GCC2: variants seen among roughly 807,000 people sequenced by gnomAD.
The protein encoded by GCC2 is GRIP and coiled-coil domain-containing protein 2.
GCC2 carries 120 observed loss-of-function variants against 210.6 expected under a neutral mutation model. The observed-to-expected ratio is 0.57, with a 90% CI of 0.49 to 0.66. The LOEUF (loss-of-function observed/expected upper bound fraction) is 0.66, where lower values mean the gene tolerates loss of function less well. Among genes scored for constraint, GCC2 ranks in the 30% least tolerant of loss-of-function variants. The pLI is 0.00. For synonymous variants in GCC2, 703 were observed against 652.7 expected, an observed-to-expected ratio of 1.08 and a Z score of -1.17; for missense variants, 1,868 against 1,871.9, an observed-to-expected ratio of 1.00 and a Z score of 0.04.
intron 7 of GCC2, among the ~76,000 whole-genome samples, chr2:108,474,102 G>T (rs890430554): frequency 5.9e-5 from 9 of 152,116 alleles, no homozygotes; most frequent in Non-Finnish European, 1.2e-4. Context: ...AGCTTGCAGT[G>T]AGCCAAGATC....
chr2:108,498,572 A>G (rs1307482587), intron 21 of GCC2, among the ~76,000 whole-genome samples: 13 of 152,310 alleles, frequency 8.5e-5, no homozygotes, highest in Non-Finnish European at 1.3e-4. Flanking sequence ...AAATGGTCCT[A>G]GGTTTGAGGA....
At chr2:108,491,819 A>G (rs1256242194) in intron 18 of GCC2, among the ~76,000 whole-genome samples, 1 of 151,922 alleles carries the variant, frequency 6.6e-6, no homozygotes, top group Non-Finnish European at 1.5e-5. Flanking sequence ...ATAAAACATG[A>G]AAACTACAGG....
intron 4 of GCC2, among the ~76,000 whole-genome samples, chr2:108,453,307 G>A (rs371357805): frequency 9.2e-5 from 14 of 152,202 alleles, no homozygotes; most frequent in African/African-American, 2.9e-4. Context: ...AGTCACCAGA[G>A]ACCTATTATA....
chr2:108,452,550 G>C, intron 4 of GCC2, 84 bp downstream of exon 4: 1 of 839,470 alleles, frequency 1.2e-6, no homozygotes, highest in Non-Finnish European at 2.0e-6. Context: ...CTGGCTTTCT[G>C]TTTCTGTTCT....
intron 4 of GCC2, among the ~76,000 whole-genome samples, chr2:108,464,228 G>A (rs765722345): frequency 2.6e-5 from 4 of 152,054 alleles, no homozygotes; most frequent in African/African-American, 4.8e-5. Flanking sequence ...CCTGTGCGTC[G>A]GCCCACAGCG....
intron 22 of GCC2, among the ~76,000 whole-genome samples, chr2:108,503,007 T>C (rs4146090): frequency 6.9e-6 from 1 of 144,452 alleles, no homozygotes; most frequent in Non-Finnish European, 1.5e-5. Context: ...CAAAAAACAA[T>C]AGTGGGAAAA....
intron 20 of GCC2, chr2:108,496,144 TTATAG>T (rs1264214500): frequency 6.6e-6 from 1 of 151,750 alleles, no homozygotes; most frequent in African/African-American, 2.4e-5. Flanking sequence ...GGTGGGAAGT[TTATAG>T]TCACAAATAG....
At position 108,472,817 on chromosome 2, in the gene GCC2, T is replaced by TA. The variant is rs1365291142; in HGVS notation, c.2788-6dup. 6.6e-7 allele frequency: 1 copy of TA among 1,521,742 alleles called. No homozygotes were observed. Among genetic ancestry groups the TA allele is most frequent in the African/African-American group, 1.4e-5 (1 of 72,496 alleles). 94.3% of individuals were successfully genotyped at this position (1,521,742 alleles called of 1,614,324 possible). ...TTGTTTTGTGTTTTTTTTTCCCCTG[T>TA]AAAATCTAGGATTCCTTAGCAAAAT... On this transcript the variant is annotated splice_polypyrimidine_tract_variant and intron_variant, in intron 6 of 22. Transcript: ENST00000309863.
chr2:108,479,637 T>C (rs1229862645), intron 9 of GCC2, among the ~76,000 whole-genome samples: 1 of 150,496 alleles, frequency 6.6e-6, no homozygotes, highest in Admixed American at 6.6e-5. Context: ...CAAGACCCTG[T>C]CTCAAAAAAA....
At position 108,470,542 on chromosome 2, in the gene GCC2, A is replaced by C. The variant is rs1681141157; in HGVS notation, c.1213A>C (p.Lys405Gln). The C allele has an allele frequency of 3.1e-6, 5 of 1,606,456 alleles. No homozygotes were observed. In the East Asian group the frequency reaches 1.1e-4, roughly 36 times the overall value. Residue 405 changes from lysine to glutamine, a missense_variant, in exon 6 of 23, where the codon AAA (lysine) becomes CAA (glutamine). This residue lies in a region of GCC2 where 1,847 missense variants were observed against 1,765.2 expected (regional missense o/e 1.05). Transcript: ENST00000309863. ...ACAGGGCTGTGTAATTGAAAAATTA[A>C]AATCTGAGCTAGCAGGTTTAAATAA... ...EEQGCVIEKL[K>Q]SELAGLNKQF...
intron 22 of GCC2, among the ~76,000 whole-genome samples, chr2:108,506,063 T>G (rs1000955908): frequency 8.5e-5 from 13 of 152,148 alleles, no homozygotes; most frequent in African/African-American, 3.1e-4. Context: ...CAAAAACCTA[T>G]GCACAAACCT....
intron 3 of GCC2, 28 bp downstream of exon 3, chr2:108,451,140 T>G: frequency 2.3e-6 from 3 of 1,300,828 alleles, no homozygotes; most frequent in Non-Finnish European, 3.3e-6. Context: ...CTCATCTTGA[T>G]CACAGTCTCT....
At chr2:108,507,414 C>CG (rs1198222781) in intron 22 of GCC2, 146 bp from the exon 23 acceptor site, 7 of 375,038 alleles carry the variant, frequency 1.9e-5, no homozygotes, top group Non-Finnish European at 3.4e-5. Context: ...AACCCCCCCC[C>CG]CCAAAAAAAA....
intron 12 of GCC2, among the ~76,000 whole-genome samples, chr2:108,483,748 T>C (rs1206762860): frequency 1.3e-5 from 2 of 152,188 alleles, no homozygotes; most frequent in African/African-American, 4.8e-5. Flanking sequence ...TAAGATTTAA[T>C]TAATGTCAAA....
At chr2:108,452,624 C>T (rs1433313726) in intron 4 of GCC2, among the ~76,000 whole-genome samples, 158 bp downstream of exon 4, 1 of 151,748 alleles carries the variant, frequency 6.6e-6, no homozygotes, top group Admixed American at 6.6e-5. Flanking sequence ...GGGTTAATGA[C>T]CTCTGGGTCT....
At chr2:108,452,829 G>A (rs1680024374) in intron 4 of GCC2, among the ~76,000 whole-genome samples, 1 of 151,592 alleles carries the variant, frequency 6.6e-6, no homozygotes, top group Admixed American at 6.6e-5. Flanking sequence ...AAATAGCTGG[G>A]ACTACAGGCG....
intron 4 of GCC2, among the ~76,000 whole-genome samples, chr2:108,455,941 T>G (rs1680251177): frequency 6.6e-6 from 1 of 152,222 alleles, no homozygotes; most frequent in Admixed American, 6.5e-5. Context: ...TTGGGGTTTT[T>G]GGATTGTATG....
At chr2:108,467,487 T>G (rs1034630991) in intron 4 of GCC2, among the ~76,000 whole-genome samples, 3 of 152,178 alleles carry the variant, frequency 2.0e-5, no homozygotes, top group African/African-American at 7.2e-5. Flanking sequence ...TCTTATTTTT[T>G]TATTTATTTT....
chr2:108,471,393 G>T lies in GCC2; in HGVS notation c.2064G>T (p.Lys688Asn). ...AAGAAGTATTGTCAGCTGAAGTGAA[G>T]TCTCTTTATGAGGAAAACAATAAAC... Reference protein sequence around the residue: ...EDKEVLSAEVKSLYEENNKLS... With the variant: ...EDKEVLSAEVNSLYEENNKLS... Residue 688 changes from lysine (K) to asparagine (N), a missense_variant, in exon 6 of 23, where the codon AAG becomes AAT. Coordinates refer to ENST00000309863, the MANE Select transcript of GCC2 (RefSeq NM_181453.4). 4 of 1,606,954 alleles carry T rather than the reference G, an allele frequency of 2.5e-6. No homozygotes were observed. The South Asian group carries it at 4.5e-5, about 18-fold the overall frequency.
Sources: gnomAD v4.1 joint callset for allele counts (sites outside exome capture counted in the v4.1 genomes callset) on GRCh38, gnomAD v4.1.1 for gene constraint, gnomAD v4.1.1 regional missense constraint, MANE v1.5 for transcripts, NCBI Gene and HGNC (gene_info 2026-07-23, HGNC 2026-07-21) for gene names.